Variants in CHST9 observed in about 807,000 individuals in gnomAD.
CHST9 encodes the protein GalNAc-4-sulfotransferase 2.
In CHST9, 41 loss-of-function variants were observed where a neutral mutation model predicts 44.4. That is an observed-to-expected ratio of 0.92 (90% confidence interval 0.72 to 1.20). The LOEUF is 1.20. Ranked by LOEUF, CHST9 falls within the 50% of genes most tolerant of loss-of-function variation. CHST9 has a pLI of 0.00. For missense variants in CHST9, 504 were observed against 516.5 expected (o/e 0.98, Z 0.23); for synonymous variants, 171 against 178.4 (o/e 0.96, Z 0.33).
At chr18:26,939,096 T>C (rs1191596212) in intron 5 of CHST9, among the ~76,000 whole-genome samples, 1 of 152,200 alleles carries the variant, frequency 6.6e-6, no homozygotes, top group Non-Finnish European at 1.5e-5. Context: ...TTTAGGGCAA[T>C]ACTAGGTAGT....
intron 2 of CHST9, among the ~76,000 whole-genome samples, chr18:27,117,673 T>G (rs2058339759): frequency 6.6e-6 from 1 of 152,192 alleles, no homozygotes; most frequent in Admixed American, 6.5e-5. Context: ...GGTTCTTTCA[T>G]TTACTAATAT....
intron 5 of CHST9, among the ~76,000 whole-genome samples, chr18:26,926,824 T>A (rs759921413): frequency 6.6e-6 from 1 of 152,218 alleles, no homozygotes; most frequent in African/African-American, 2.4e-5. Flanking sequence ...TGTCTGTACA[T>A]ATTAAATGTG....
chr18:26,931,114 C>G (rs1381471905), intron 5 of CHST9, among the ~76,000 whole-genome samples: 1 of 152,180 alleles, frequency 6.6e-6, no homozygotes, highest in African/African-American at 2.4e-5. Flanking sequence ...TGTTGATGGA[C>G]AGGCTTCTAC....
At chr18:27,006,227 G>A (rs932038337) in intron 4 of CHST9, among the ~76,000 whole-genome samples, 1 of 152,112 alleles carries the variant, frequency 6.6e-6, no homozygotes, top group Non-Finnish European at 1.5e-5. Context: ...CACTGCTCTA[G>A]GCTTTATTAA....
At chr18:26,927,583 G>T (rs1210102645) in intron 5 of CHST9, among the ~76,000 whole-genome samples, 1 of 152,084 alleles carries the variant, frequency 6.6e-6, no homozygotes, top group Non-Finnish European at 1.5e-5. Context: ...GTGCTTTGAT[G>T]TGCATATACA....
chr18:26,929,747 G>A (rs1377258978), intron 5 of CHST9, among the ~76,000 whole-genome samples: 1 of 152,132 alleles, frequency 6.6e-6, no homozygotes, highest in African/African-American at 2.4e-5. Context: ...AGTTATTACG[G>A]GGTAGGAGGA....
At chr18:27,017,053 A>G (rs980486648) in intron 4 of CHST9, among the ~76,000 whole-genome samples, 2 of 152,224 alleles carry the variant, frequency 1.3e-5, no homozygotes, top group Admixed American at 1.3e-4. Context: ...TGGGACATTC[A>G]AACCTCACAC....
At position 27,070,063 on chromosome 18, in the gene CHST9, C is replaced by T. The variant is rs149134276; in HGVS notation, c.122-21560G>A. ...TTAAATCACCCTCTATGCCACTGTTCGGCACATAAAAAGTTAATTCCAGAA... is the reference window on the plus strand; with the variant it reads ...TTAAATCACCCTCTATGCCACTGTTTGGCACATAAAAAGTTAATTCCAGAA... On this transcript the variant is annotated intron_variant, in intron 2 of 5. Transcript: ENST00000618847. Among the ~76,000 whole-genome samples, 896 of 152,230 alleles carry T rather than the reference C, an allele frequency of 5.9e-3. 19 individuals are homozygous for T. The highest frequency in any genetic ancestry group is 0.02 in the African/African-American group (838 of 41,544).
intron 2 of CHST9, among the ~76,000 whole-genome samples, chr18:27,101,462 G>T (rs531731996): frequency 4.7e-5 from 7 of 150,142 alleles, no homozygotes; most frequent in African/African-American, 1.7e-4. Context: ...GTGCGGTGGC[G>T]GGCGCCTGTA....
intron 2 of CHST9, among the ~76,000 whole-genome samples, chr18:27,110,754 A>G (rs905121278): frequency 6.6e-6 from 1 of 152,216 alleles, no homozygotes; most frequent in African/African-American, 2.4e-5. Flanking sequence ...TCATCTGTGG[A>G]CAGCTAGAGC....
At chr18:27,053,246 GAAGAAGAAGA>G (rs1487739699) in intron 2 of CHST9, among the ~76,000 whole-genome samples, 2 of 100,668 alleles carry the variant, frequency 2.0e-5, no homozygotes, top group Non-Finnish European at 4.3e-5. Flanking sequence ...AGAAGAAGAA[GAAGAAGAAGA>G]AGAAGGAGAA....
At chr18:27,072,911 T>C (rs545998469) in intron 2 of CHST9, among the ~76,000 whole-genome samples, 39 of 152,296 alleles carry the variant, frequency 2.6e-4, no homozygotes, top group African/African-American at 9.4e-4. Flanking sequence ...AGCCGCAGTA[T>C]GATTACCAGG....
chr18:27,086,964 C>T (rs1407675311), intron 2 of CHST9, among the ~76,000 whole-genome samples: 3 of 151,844 alleles, frequency 2.0e-5, no homozygotes, highest in African/African-American at 7.3e-5. Flanking sequence ...ATAAATGAAA[C>T]AGAAATAAGT....
chr18:27,149,987 G>A (rs2058646975), intron 1 of CHST9, among the ~76,000 whole-genome samples: 1 of 149,586 alleles, frequency 6.7e-6, no homozygotes, highest in Non-Finnish European at 1.5e-5. Flanking sequence ...TTGTCAGACT[G>A]CAATATAAAA....
At chr18:27,138,099 T>C (rs1278553450) in intron 2 of CHST9, among the ~76,000 whole-genome samples, 1 of 152,160 alleles carries the variant, frequency 6.6e-6, no homozygotes, top group Non-Finnish European at 1.5e-5. Flanking sequence ...TGCAACTCAT[T>C]AGTTTGTCCC....
At chr18:26,952,372 C>G (rs163042) in intron 4 of CHST9, 2 of 467,760 alleles carry the variant, frequency 4.3e-6, no homozygotes, top group East Asian at 1.1e-4. Context: ...ATTGGGACAT[C>G]AACAATTGTC....
Position 26,916,181 on chromosome 18 carries a change from G to C in CHST9, c.*78C>G. The C allele has an allele frequency of 8.6e-7, 1 of 1,156,080 alleles. No homozygotes were observed. The highest frequency in any genetic ancestry group is 1.2e-6 in the Non-Finnish European group (1 of 813,780). 71.6% of individuals were successfully genotyped at this position (1,156,080 alleles called of 1,614,324 possible). ...CACTTGGTTAAATTTCTGTCATACA[G>C]AGAATTATAGAAAAATTACAGCTGA... On this transcript the variant is annotated 3_prime_UTR_variant, in exon 6 of 6. Transcript: ENST00000618847.
At position 27,172,110 on chromosome 18, in the gene CHST9, T is replaced by C. The variant is rs573283906; in HGVS notation, c.-97+13026A>G. On this transcript the variant is annotated intron_variant, in intron 1 of 5. Transcript: ENST00000618847. Reference sequence around the variant, plus strand: ...ATCAAAAGTTTCCATTTGTGCAAAGTCTTATTATCATATTTGTATATTCAA... The same window carrying C: ...ATCAAAAGTTTCCATTTGTGCAAAGCCTTATTATCATATTTGTATATTCAA... Among the ~76,000 whole-genome samples, 75 of 152,260 alleles carry C rather than the reference T, an allele frequency of 4.9e-4. No homozygotes were observed. The East Asian group carries it at 0.013, about 26-fold the overall frequency.
intron 2 of CHST9, among the ~76,000 whole-genome samples, chr18:27,105,887 GATGA>G (rs983622838): frequency 6.6e-6 from 1 of 152,104 alleles, no homozygotes; most frequent in African/African-American, 2.4e-5. Context: ...AGGTAATAAG[GATGA>G]AGTATCCTTC....
Sources: gnomAD v4.1 joint callset for allele counts (sites outside exome capture counted in the v4.1 genomes callset) on GRCh38, gnomAD v4.1.1 for gene constraint, MANE v1.5 for transcripts, NCBI Gene and HGNC (gene_info 2026-07-23, HGNC 2026-07-21) for gene names.